Variants in PTK2 observed in about 807,000 individuals in gnomAD.
PTK2 encodes the protein focal adhesion kinase 1.
Under a neutral mutation model 150.1 loss-of-function variants are expected in PTK2, and 45 were observed. The observed-to-expected ratio is 0.30, with a 90% CI of 0.24 to 0.38. PTK2 has a LOEUF of 0.38. PTK2 is among the 10% of genes least tolerant of loss of function. The probability of loss-of-function intolerance (pLI) is 1.00; values close to 1 mark genes in which losing one functional copy is unlikely to be tolerated. For synonymous variants in PTK2, 432 were observed against 449.2 expected (o/e 0.96, Z 0.48); for missense variants, 919 against 1,307.3 (o/e 0.70, Z 4.58).
At chr8:140,981,563 G>A (rs894612983) in intron 1 of PTK2, among the ~76,000 whole-genome samples, 2 of 152,184 alleles carry the variant, frequency 1.3e-5, no homozygotes, top group Non-Finnish European at 2.9e-5. Context: ...GGCCAATGTG[G>A]CCCCACTTGT....
At chr8:140,719,902 A>T (rs2100041887) in intron 22 of PTK2, among the ~76,000 whole-genome samples, 1 of 150,092 alleles carries the variant, frequency 6.7e-6, no homozygotes, top group Non-Finnish European at 1.5e-5. Flanking sequence ...AAAAAAAAAA[A>T]AAAAAAAAAA....
In PTK2 at chr8:140,950,967, A is replaced by AAATAATATATATATT. The variant is rs1458339936; in HGVS notation, c.-121-25233_-121-25219dup. Reference sequence around the variant, plus strand: ...CATATTAGGAGGTACCTAATAATATAAATAATATATATATTTTTTTAAGTC... The same window carrying AAATAATATATATATT: ...CATATTAGGAGGTACCTAATAATATAAATAATATATATATTAATAATATATATATTTTTTTAAGTC... On this transcript the variant is annotated intron_variant, in intron 1 of 31. Transcript: ENST00000522684. Among the ~76,000 whole-genome samples the AAATAATATATATATT allele has an allele frequency of 2.2e-4, 34 of 152,086 alleles. 1 individual carries two copies. The highest frequency in any genetic ancestry group is 1.4e-3 in the Admixed American group (22 of 15,268).
intron 16 of PTK2, among the ~76,000 whole-genome samples, chr8:140,757,275 G>A (rs1009948708): frequency 2.0e-5 from 3 of 152,044 alleles, no homozygotes; most frequent in Non-Finnish European, 2.9e-5. Context: ...ATCTAAATTT[G>A]TCTGTTTGTT....
rs1200962797 is a variant in PTK2 at position 140,934,459 on chromosome 8, G to C, written c.-121-8710C>G. On this transcript the variant is annotated intron_variant, in intron 1 of 31. Transcript: ENST00000522684. ...AAAATAAATTTTTTTTTTGAAATTA[G>C]CAACTCCATTCTCCTAGCTGCTAAT... 3 of 151,928 alleles carry C rather than the reference G, an allele frequency of 2.0e-5. No homozygotes were observed. In the East Asian group the frequency reaches 5.8e-4, roughly 29 times the overall value. The allele number at this position is 151,928 out of a possible 1,614,324, so 9.4% of individuals were successfully genotyped here.
chr8:140,877,766 C>A (rs34172585), intron 4 of PTK2, among the ~76,000 whole-genome samples: 2,623 of 151,986 alleles, frequency 0.017, 42 homozygotes, highest in Non-Finnish European at 0.028. Context: ...ATTTTTCTTC[C>A]TTTTGAGGAT....
rs552349252 is a variant in PTK2 at position 140,819,657 on chromosome 8, T to C, written c.649-637A>G. Among the ~76,000 whole-genome samples the C allele has an allele frequency of 2.0e-5, 3 of 152,272 alleles. No individual in the cohort carries two copies. In the South Asian group the frequency reaches 6.2e-4, roughly 32 times the overall value. Reference sequence around the variant, plus strand: ...TTAAAACCCATATTACATTGTTACATGAAAAAAGATGACAAAACAGTCAGC... The same window carrying C: ...TTAAAACCCATATTACATTGTTACACGAAAAAAGATGACAAAACAGTCAGC... On this transcript the variant is annotated intron_variant, in intron 8 of 31. Coordinates refer to ENST00000522684, the Ensembl canonical transcript of PTK2.
At chr8:140,990,222 T>C (rs2100195175) in intron 1 of PTK2, among the ~76,000 whole-genome samples, 1 of 144,664 alleles carries the variant, frequency 6.9e-6, no homozygotes, top group South Asian at 2.2e-4. Context: ...ACTTTAACTC[T>C]CCTTGACCAA....
intron 7 of PTK2, among the ~76,000 whole-genome samples, chr8:140,843,494 T>C (rs2100123489): frequency 6.6e-6 from 1 of 151,688 alleles, no homozygotes; most frequent in African/African-American, 2.4e-5. Flanking sequence ...CATTATTCTT[T>C]TTCCCCAGCC....
intron 8 of PTK2, among the ~76,000 whole-genome samples, chr8:140,828,169 A>C (rs1294899534): frequency 1.6e-5 from 2 of 128,508 alleles, no homozygotes; most frequent in Admixed American, 7.5e-5. Flanking sequence ...CTGTCTCAAC[A>C]AAAAAAAAAA....
chr8:140,722,720 C>A (rs2100043668), intron 22 of PTK2, among the ~76,000 whole-genome samples: 1 of 152,102 alleles, frequency 6.6e-6, no homozygotes, highest in South Asian at 2.1e-4. Flanking sequence ...CTCTCTATTG[C>A]CTCACCCTTA....
At chr8:140,797,919 T>G (rs898048605) in intron 12 of PTK2, among the ~76,000 whole-genome samples, 3 of 152,174 alleles carry the variant, frequency 2.0e-5, no homozygotes, top group African/African-American at 7.2e-5. Context: ...TAGCTGGAAT[T>G]ACAGACATGA....
At chr8:140,773,234 T>C (rs545941319) in intron 14 of PTK2, among the ~76,000 whole-genome samples, 1 of 152,372 alleles carries the variant, frequency 6.6e-6, no homozygotes, top group South Asian at 2.1e-4. Flanking sequence ...AGGACTTTTA[T>C]TGTATTCAAG....
chr8:140,770,673 G>T, intron 14 of PTK2, 43 bp downstream of exon 15: 2 of 1,071,846 alleles, frequency 1.9e-6, no homozygotes, highest in Non-Finnish European at 2.5e-6. Context: ...TCTCTGGAGT[G>T]CTCTGGTTAA....
Position 140,752,049 on chromosome 8 carries a change from T to C in PTK2, c.1417+183A>G, listed in dbSNP as rs552823524. The C allele has an allele frequency of 3.3e-5, 23 of 700,494 alleles. No homozygotes were observed. The East Asian group carries it at 3.4e-4, about 10-fold the overall frequency. The allele number at this position is 700,494 out of a possible 1,614,324, so 43.4% of individuals were successfully genotyped here. A position where few individuals can be genotyped will look rare whatever the true frequency, so the allele number is the denominator to read the frequency against. ...TACCTTTACACATAAAACATGATGGTTTACCTGGAAAAATCTGTAGATAGG... is the reference window on the plus strand; with the variant it reads ...TACCTTTACACATAAAACATGATGGCTTACCTGGAAAAATCTGTAGATAGG... On this transcript the variant is annotated intron_variant, in intron 17 of 31. Coordinates refer to ENST00000522684, the Ensembl canonical transcript of PTK2.
At chr8:140,962,052 G>GGCC (rs2100183368) in intron 1 of PTK2, among the ~76,000 whole-genome samples, 1 of 151,926 alleles carries the variant, frequency 6.6e-6, no homozygotes, top group African/African-American at 2.4e-5. Context: ...AGACCAGCCT[G>GGCC]GCCAACATGG....
intron 10 of PTK2, among the ~76,000 whole-genome samples, chr8:140,806,215 C>A (rs1394063941): frequency 6.6e-6 from 1 of 152,144 alleles, no homozygotes; most frequent in African/African-American, 2.4e-5. Flanking sequence ...TTGAACTTTC[C>A]AGGAATGCAA....
intron 1 of PTK2, chr8:140,940,547 CA>C (rs2100175332): frequency 6.6e-6 from 1 of 152,188 alleles, no homozygotes; most frequent in African/African-American, 2.4e-5. Context: ...CATCACTTGC[CA>C]AAATATGACC....
chr8:140,694,688 G>C (rs1289952107), intron 26 of PTK2, among the ~76,000 whole-genome samples: 1 of 152,158 alleles, frequency 6.6e-6, no homozygotes, highest in South Asian at 2.1e-4. Context: ...CAAAGGCCAA[G>C]ACCCAGAAAC....
At chr8:140,896,013 A>G (rs1229078241) in intron 2 of PTK2, among the ~76,000 whole-genome samples, 1 of 152,174 alleles carries the variant, frequency 6.6e-6, no homozygotes, top group Non-Finnish European at 1.5e-5. Flanking sequence ...AACATCAAAA[A>G]TGAAGAAGAG....
Sources: gnomAD v4.1 joint callset for allele counts (sites outside exome capture counted in the v4.1 genomes callset) on GRCh38, gnomAD v4.1.1 for gene constraint, MANE v1.5 for transcripts, NCBI Gene and HGNC (gene_info 2026-07-23, HGNC 2026-07-21) for gene names.